Variants in CACNA1S observed in about 807,000 individuals in gnomAD.
CACNA1S encodes the protein voltage-dependent L-type calcium channel subunit alpha-1S.
In CACNA1S, 126 loss-of-function variants were observed where a neutral mutation model predicts 207.4. That is an observed-to-expected ratio of 0.61 (90% confidence interval 0.53 to 0.70). The LOEUF (loss-of-function observed/expected upper bound fraction) is 0.70, where lower values mean the gene tolerates loss of function less well. CACNA1S is among the 30% of genes least tolerant of loss of function. The pLI, the probability that CACNA1S is intolerant of heterozygous loss-of-function variation, is 0.00. For missense variants in CACNA1S, 2,349 were observed against 2,422.8 expected (o/e 0.97, Z 0.64); for synonymous variants, 960 against 932.7 (o/e 1.03, Z -0.53).
At position 201,083,212 on chromosome 1, in the gene CACNA1S, G is replaced by C. The variant is rs1661902640; in HGVS notation, c.1343C>G (p.Ser448Cys). 2 of 1,614,100 alleles carry C rather than the reference G, an allele frequency of 1.2e-6. No individual in the cohort carries two copies. Among genetic ancestry groups the C allele is most frequent in the South Asian group, 2.2e-5 (2 of 91,090 alleles). ...VILIVALNTL[S>C]IASEHHNQPL... Reference sequence around the variant, plus strand: ...CTGGTTGTGGTGCTCTGAGGCGATAGACAGGGTGTTGAGGGCAACGATGAG... The same window carrying C: ...CTGGTTGTGGTGCTCTGAGGCGATACACAGGGTGTTGAGGGCAACGATGAG... The change falls in exon 10 of 44, where the codon TCT (serine) becomes TGT (cysteine). Residue 448 changes from serine (S) to cysteine (C), a missense_variant. Ser to Cys is a moderately radical substitution (Grantham distance 112). Coordinates refer to ENST00000362061, the MANE Select transcript of CACNA1S (RefSeq NM_000069.3).
chr1:201,074,175 C>A (rs1409577883), intron 14 of CACNA1S, among the ~76,000 whole-genome samples: 2 of 90,724 alleles, frequency 2.2e-5, no homozygotes, highest in Non-Finnish European at 7.5e-5. Flanking sequence ...TCCAACCCCG[C>A]CCAGAGGCAT....
At chr1:201,043,183 C>T (rs1558051694) in intron 40 of CACNA1S, 98 bp downstream of exon 40, 10 of 1,521,510 alleles carry the variant, frequency 6.6e-6, no homozygotes, top group South Asian at 2.3e-5. Context: ...AAAAGACACC[C>T]TACAAATTTG....
At chr1:201,048,478 C>T (rs1052829069) in intron 36 of CACNA1S, 104 bp downstream of exon 36, 10 of 1,015,126 alleles carry the variant, frequency 9.9e-6, no homozygotes, top group East Asian at 9.8e-5. Context: ...TACTTCTTCC[C>T]ACAGTTCTTA....
chr1:201,062,425 C>T, intron 23 of CACNA1S, 37 bp downstream of exon 23: 4 of 1,602,908 alleles, frequency 2.5e-6, no homozygotes, highest in East Asian at 4.5e-5. Context: ...TGCTCCCTGC[C>T]CCGTGACCGT....
chr1:201,060,824 A>C lies in CACNA1S; in HGVS notation c.3256-8T>G. Reference sequence around the variant, plus strand: ...ATACTGTACACATTGGCGCTGTGACACATACAACAGGACAGGTCAGCACCA... The same window carrying C: ...ATACTGTACACATTGGCGCTGTGACCCATACAACAGGACAGGTCAGCACCA... On this transcript the variant is annotated splice_region_variant and splice_polypyrimidine_tract_variant and intron_variant, in intron 25 of 43. Transcript: ENST00000362061. The C allele has an allele frequency of 6.2e-7, 1 of 1,614,148 alleles. No homozygotes were observed.
intron 2 of CACNA1S, among the ~76,000 whole-genome samples, chr1:201,096,230 C>T (rs562835567): frequency 2.6e-5 from 4 of 152,334 alleles, no homozygotes; most frequent in Admixed American, 2.6e-4. Flanking sequence ...TGCCTCTTTC[C>T]ACCATACTCC....
intron 26 of CACNA1S, 47 bp from the exon 27 acceptor site, chr1:201,059,346 C>T: frequency 1.6e-6 from 2 of 1,283,348 alleles, no homozygotes; most frequent in Non-Finnish European, 2.3e-6. Flanking sequence ...CCGGGTTTGC[C>T]CACCCTGTAG....
In CACNA1S at chr1:201,075,486, A is replaced by G; in HGVS notation, c.1948+9T>C. On this transcript the variant is annotated intron_variant, in intron 13 of 43. Coordinates refer to ENST00000362061, the MANE Select transcript of CACNA1S (RefSeq NM_000069.3). Reference sequence around the variant, plus strand: ...AGCTCTTTTCTGCACCCTGCTCCCGAGAGGATACAGTTGCCACAGACGAAA... The same window carrying G: ...AGCTCTTTTCTGCACCCTGCTCCCGGGAGGATACAGTTGCCACAGACGAAA... 1 of 1,592,204 alleles carries G rather than the reference A, an allele frequency of 6.3e-7. No individual in the cohort carries two copies. The highest frequency in any genetic ancestry group is 8.5e-7 in the Non-Finnish European group (1 of 1,169,614).
chr1:201,070,981 C>T (rs1233172114), intron 16 of CACNA1S, among the ~76,000 whole-genome samples: 1 of 152,160 alleles, frequency 6.6e-6, no homozygotes, highest in Non-Finnish European at 1.5e-5. Flanking sequence ...ATTTCTTGAG[C>T]TTCACCCAGT....
intron 31 of CACNA1S, 81 bp from the exon 32 acceptor site, chr1:201,052,729 T>A: frequency 8.4e-7 from 1 of 1,184,522 alleles, no homozygotes; most frequent in Admixed American, 1.7e-5. Context: ...TTCTCCTGCC[T>A]GACCCCTACC....
At chr1:201,094,169 C>A (rs1197201574) in intron 2 of CACNA1S, 148 bp from the exon 3 acceptor site, 1 of 797,042 alleles carries the variant, frequency 1.3e-6, no homozygotes, top group South Asian at 1.5e-5. Flanking sequence ...GCCTACCCCC[C>A]CACTCCACAC....
intron 3 of CACNA1S, 48 bp downstream of exon 3, chr1:201,093,834 G>C: frequency 6.2e-7 from 1 of 1,609,842 alleles, no homozygotes; most frequent in Non-Finnish European, 8.5e-7. Context: ...TGGGCACACA[G>C]TCCTCAGCGA....
Position 201,092,061 on chromosome 1 carries a change from G to A in CACNA1S, c.452C>T (p.Pro151Leu). The A allele has an allele frequency of 6.2e-7, 1 of 1,614,072 alleles. No individual in the cohort carries two copies. The highest frequency in any genetic ancestry group is 1.3e-5 in the African/African-American group (1 of 74,996). The change falls in exon 4 of 44, where the codon CCA (proline) becomes CTA (leucine). Residue 151 changes from proline to leucine, a missense_variant. Pro to Leu is a moderately conservative substitution (Grantham distance 98). Coordinates refer to ENST00000362061, the MANE Select transcript of CACNA1S (RefSeq NM_000069.3). ...QVNVIQSHTA[P>L]MSSKGAGLDV... is the part of the protein sequence containing the mutation. ...CAAGCCGGCTCCTTTGCTGCTCATT[G>A]GGGCTGTGTGGCTTTGGATGACGTT...
intron 41 of CACNA1S, 104 bp from the exon 42 acceptor site, chr1:201,040,817 T>C (rs533572372): frequency 2.4e-6 from 2 of 827,422 alleles, no homozygotes; most frequent in Non-Finnish European, 4.0e-6. Flanking sequence ...CTGTGAGAGC[T>C]CTGAGATTCT....
At chr1:201,086,066 C>G (rs903836854) in intron 7 of CACNA1S, among the ~76,000 whole-genome samples, 1 of 152,190 alleles carries the variant, frequency 6.6e-6, no homozygotes, top group African/African-American at 2.4e-5. Flanking sequence ...GGACCCAAGG[C>G]TCCATGAGGG....
At chr1:201,049,929 A>G (rs939629863) in intron 34 of CACNA1S, among the ~76,000 whole-genome samples, 4 of 152,136 alleles carry the variant, frequency 2.6e-5, no homozygotes, top group African/African-American at 7.2e-5. Context: ...CCTATTTCCT[A>G]TCGGGAAGGA....
rs2102575933 is a variant in CACNA1S, at chr1:201,062,057, G to T, written c.2940C>A (p.Pro980=). The T allele has an allele frequency of 6.2e-7, 1 of 1,614,074 alleles. No homozygotes were observed. Among genetic ancestry groups the T allele is most frequent in the Middle Eastern group, 1.7e-4 (1 of 6,060 alleles). The part of the protein sequence containing the change: ...GYYYVYKDGD[P]MQIELRHREW... ...CGCGGTGACGCAGCTCTATCTGCAT[G>T]GGGTCCCCGTCCTTGTACACGTAGT... Residue 980 remains proline (P), a synonymous_variant, in exon 24 of 44, where the codon CCC becomes CCA. Coordinates refer to ENST00000362061, the MANE Select transcript of CACNA1S (RefSeq NM_000069.3).
At position 201,086,549 on chromosome 1, in the gene CACNA1S, T is replaced by C. The variant is rs74736307; in HGVS notation, c.1005-968A>G. On this transcript the variant is annotated intron_variant, in intron 7 of 43. Transcript: ENST00000362061. The stretch of plus-strand genomic sequence containing the variant: ...CTGGACAGCGTGTTACCATACTGCA[T>C]ACCGTAGGCGATTGTATCTGTGGAT... Among the ~76,000 whole-genome samples the C allele has an allele frequency of 9.5e-3, 1,454 of 152,314 alleles. 16 individuals are homozygous for C. Among genetic ancestry groups the C allele is most frequent in the African/African-American group, 0.029 (1,201 of 41,562 alleles).
chr1:201,082,554 T>C (rs538643303), intron 10 of CACNA1S, among the ~76,000 whole-genome samples: 2 of 152,338 alleles, frequency 1.3e-5, no homozygotes, highest in South Asian at 4.1e-4. Context: ...TCCACAGAGT[T>C]TCAGCATCTC....
Sources: allele counts gnomAD v4.1 joint callset (sites outside exome capture counted in the v4.1 genomes callset), GRCh38; gene constraint gnomAD v4.1.1; transcripts MANE v1.5; gene names NCBI Gene and HGNC (gene_info 2026-07-23, HGNC 2026-07-21).